MAST3: variants seen among roughly 807,000 people sequenced by gnomAD.
MAST3 encodes microtubule associated serine/threonine kinase 3.
MAST3 carries 43 observed loss-of-function variants against 127.0 expected under a neutral mutation model. The observed-to-expected ratio is 0.34, with a 90% confidence interval of 0.27 to 0.44. The LOEUF (loss-of-function observed/expected upper bound fraction) is 0.44. Ranked by LOEUF, MAST3 falls within the 20% of genes least tolerant of loss-of-function variation. The pLI is 1.00. For missense variants in MAST3, 1,390 were observed against 1,919.1 expected, an observed-to-expected ratio of 0.72 and a Z score of 5.15; for synonymous variants, 785 against 809.2, an observed-to-expected ratio of 0.97 and a Z score of 0.51.
At chr19:18,123,529 C>G in intron 7 of MAST3, 51 bp from the exon 8 acceptor site, 1 of 1,482,102 alleles carries the variant, frequency 6.7e-7, no homozygotes, top group Non-Finnish European at 9.0e-7. Context: ...AACATCCTCC[C>G]CTGGGGTTGG....
rs1019939467 is a variant in MAST3, at chr19:18,110,094, C to G, written c.72-558C>G. ...TTTCCCGCTGCGCGACCCTCGCTGCCGGGCCGGGCCTGCGCGCAGGTGCGG... is the reference window on the plus strand; with the variant it reads ...TTTCCCGCTGCGCGACCCTCGCTGCGGGGCCGGGCCTGCGCGCAGGTGCGG... On this transcript the variant is annotated intron_variant, in intron 2 of 27. Transcript: ENST00000687212. The surrounding 1 kb of genome is among the most constrained non-coding windows in gnomAD (Gnocchi z 4.3). The G allele has an allele frequency of 1.7e-5, 17 of 985,170 alleles. No homozygotes were observed. The South Asian group carries it at 6.6e-4, about 38-fold the overall frequency. 61.0% of individuals were successfully genotyped at this position (985,170 alleles called of 1,614,324 possible).
At chr19:18,122,328 G>A (rs888120553) in intron 5 of MAST3, among the ~76,000 whole-genome samples, 27 of 151,990 alleles carry the variant, frequency 1.8e-4, no homozygotes, top group Non-Finnish European at 3.8e-4. Context: ...TCTGTGCTGC[G>A]GGCTGAGGGC....
At position 18,123,990 on chromosome 19, in the gene MAST3, C is replaced by A; in HGVS notation, c.685C>A (p.Pro229Thr). The change falls in exon 9 of 28, where the codon CCC (proline) becomes ACC (threonine). Residue 229 changes from proline (P) to threonine (T), a missense_variant. This residue lies in a region of MAST3 where 277 missense variants were observed against 384.8 expected (regional missense o/e 0.72). Coordinates refer to ENST00000687212, the MANE Select transcript of MAST3 (RefSeq NM_001393504.1). ...RLQEFLTAYA[P>T]GARLALADGV... Reference sequence around the variant, plus strand: ...GCAGGAGTTCCTGACGGCCTACGCGCCCGGCGCCCGGCTGGCGCTGGCTGA... The same window carrying A: ...GCAGGAGTTCCTGACGGCCTACGCGACCGGCGCCCGGCTGGCGCTGGCTGA... The A allele has an allele frequency of 6.3e-7, 1 of 1,591,166 alleles. No individual in the cohort carries two copies. The highest frequency in any genetic ancestry group is 8.5e-7 in the Non-Finnish European group (1 of 1,170,440).
rs1338300434 is a variant in MAST3, at chr19:18,144,562, G to A, written c.2681G>A (p.Arg894His). 8.7e-6 allele frequency: 14 copies of A among 1,609,610 alleles called. No individual in the cohort carries two copies. The highest frequency in any genetic ancestry group is 4.0e-5 in the African/African-American group (3 of 74,876). The change falls in exon 23 of 28, where the codon CGC (arginine) becomes CAC (histidine). Residue 894 changes from arginine (R) to histidine (H), a missense_variant. Around this residue, in one of 5 missense-constraint regions of MAST3, gnomAD observed 816 missense variants for 934.1 expected, o/e 0.87. Coordinates refer to ENST00000687212, the MANE Select transcript of MAST3 (RefSeq NM_001393504.1). This position sits in a 1 kb window ranked among gnomAD's most constrained non-coding sequence, Gnocchi z 4.0. Reference sequence around the variant, plus strand: ...CCTCTGGATGCCGGCCGGGGCCGCCGCCTTGGGGGCCCAAGAGACCCAGCC... The same window carrying A: ...CCTCTGGATGCCGGCCGGGGCCGCCACCTTGGGGGCCCAAGAGACCCAGCC... ...PRPLDAGRGR[R>H]LGGPRDPAPE... is the part of the protein sequence containing the mutation.
Position 18,113,130 on chromosome 19 carries a change from G to A in MAST3, c.161+2389G>A, listed in dbSNP as rs372019174. ...GGGGAGGGAGGAAGTATCTGGGACT[G>A]AGAAAGGCCATAAGGCTGCCTCACT... On this transcript the variant is annotated intron_variant, in intron 3 of 27. Coordinates refer to ENST00000687212, the MANE Select transcript of MAST3 (RefSeq NM_001393504.1). 3.3e-4 allele frequency among the ~76,000 whole-genome samples: 50 copies of A among 152,210 alleles called. No individual in the cohort carries two copies. The East Asian group carries it at 8.5e-3, about 26-fold the overall frequency.
intron 15 of MAST3, among the ~76,000 whole-genome samples, chr19:18,133,365 A>G (rs972023882): frequency 2.6e-5 from 4 of 152,032 alleles, no homozygotes; most frequent in African/African-American, 9.7e-5. Context: ...CCTGGCCCAG[A>G]ACACTTTATC....
chr19:18,107,517 G>C, intron 1 of MAST3, 70 bp from the exon 2 acceptor site: 2 of 1,427,208 alleles, frequency 1.4e-6, no homozygotes, highest in Non-Finnish European at 2.0e-6. Context: ...GATTGTGGGG[G>C]TGCATCAACG....
chr19:18,132,461 A>G (rs1395376399), intron 15 of MAST3, among the ~76,000 whole-genome samples: 1 of 152,182 alleles, frequency 6.6e-6, no homozygotes, highest in Non-Finnish European at 1.5e-5. Flanking sequence ...GGATTATGCA[A>G]TTTGCGAGAC....
At chr19:18,121,492 G>C (rs931432516) in intron 3 of MAST3, among the ~76,000 whole-genome samples, 193 bp from the exon 4 acceptor site, 11 of 152,354 alleles carry the variant, frequency 7.2e-5, no homozygotes, top group Admixed American at 1.3e-4. Flanking sequence ...GTTAGTTGAG[G>C]GGTGATTCCC....
chr19:18,130,810 C>A, intron 14 of MAST3, 108 bp downstream of exon 14: 1 of 1,138,978 alleles, frequency 8.8e-7, no homozygotes, highest in Non-Finnish European at 1.3e-6. Flanking sequence ...TCCATGAGGT[C>A]TCACCCTGCT....
intron 11 of MAST3, 51 bp from the exon 12 acceptor site, chr19:18,128,349 T>C (rs1599782375): frequency 1.4e-6 from 2 of 1,479,142 alleles, no homozygotes; most frequent in Admixed American, 2.0e-5. Context: ...TGCTGGGTGA[T>C]GCAGGGTGAG....
At chr19:18,125,893 C>A (rs1438549117) in intron 11 of MAST3, among the ~76,000 whole-genome samples, 1 of 149,840 alleles carries the variant, frequency 6.7e-6, no homozygotes, top group African/African-American at 2.5e-5. Context: ...AACTCCATCT[C>A]TACTAAAAAC....
At chr19:18,102,988 G>C (rs2037772307) in intron 1 of MAST3, among the ~76,000 whole-genome samples, 1 of 151,952 alleles carries the variant, frequency 6.6e-6, no homozygotes. Flanking sequence ...GCCTGGGCAA[G>C]CGCAGACGGG....
Position 18,139,130 on chromosome 19 carries a change from C to A in MAST3, c.2205+6C>A. 5 of 1,580,842 alleles carry A rather than the reference C, an allele frequency of 3.2e-6. No individual in the cohort carries two copies. Among genetic ancestry groups the A allele is most frequent in the Non-Finnish European group, 4.3e-6 (5 of 1,159,722 alleles). ...GCTCCCACCGGTTCAGCAAGGTGGG[C>A]CCGGGTCCCGAGGGGAGCCACTGCT... On this transcript the variant is annotated splice_donor_region_variant and intron_variant, in intron 20 of 27. Coordinates refer to ENST00000687212, the MANE Select transcript of MAST3 (RefSeq NM_001393504.1).
intron 11 of MAST3, among the ~76,000 whole-genome samples, chr19:18,125,616 C>T (rs2040519791): frequency 6.6e-6 from 1 of 151,950 alleles, no homozygotes; most frequent in South Asian, 2.1e-4. Flanking sequence ...TGGCGTGTGC[C>T]TGTAATCCCA....
At chr19:18,132,170 T>A in intron 15 of MAST3, 123 bp downstream of exon 15, 1 of 1,336,176 alleles carries the variant, frequency 7.5e-7, no homozygotes, top group Non-Finnish European at 1.0e-6. Flanking sequence ...AGGAGCCCCA[T>A]CTGTCTGAGC....
intron 15 of MAST3, among the ~76,000 whole-genome samples, chr19:18,132,407 G>A (rs935655022): frequency 6.6e-6 from 1 of 152,186 alleles, no homozygotes; most frequent in African/African-American, 2.4e-5. Context: ...TGCACAAGGG[G>A]AGAGAACATG....
chr19:18,143,710 A>G (rs1044222557), intron 21 of MAST3, 53 bp from the exon 22 acceptor site: 1 of 1,605,976 alleles, frequency 6.2e-7, no homozygotes. Context: ...GTGGCTGAGT[A>G]TCCTGGGGTG....
chr19:18,141,373 C>CTTTT (rs1258607951), intron 20 of MAST3, among the ~76,000 whole-genome samples: 1 of 16,380 alleles, frequency 6.1e-5, no homozygotes, highest in Non-Finnish European at 1.1e-4. Flanking sequence ...ACTAAGCCAG[C>CTTTT]TTTCTTTTTT....
Sources: gnomAD v4.1 joint callset for allele counts (sites outside exome capture counted in the v4.1 genomes callset) on GRCh38, gnomAD v4.1.1 for gene constraint, gnomAD v4.1.1 regional missense constraint, Gnocchi (gnomAD v3.1) non-coding constraint, MANE v1.5 for transcripts, NCBI Gene and HGNC (gene_info 2026-07-23, HGNC 2026-07-21) for gene names.